OR51G2: variants seen among roughly 807,000 people sequenced by gnomAD.
OR51G2 encodes olfactory receptor 51G2.
Under a neutral mutation model 11.8 loss-of-function variants are expected in OR51G2, and 13 were observed. The ratio of observed to expected loss-of-function variants is 1.10; its 90% CI spans 0.72 to 1.76. The LOEUF (loss-of-function observed/expected upper bound fraction) is 1.76. OR51G2 is among the 40% of genes most tolerant of loss of function. The pLI is 0.00. For synonymous variants in OR51G2, 178 were observed against 151.9 expected (o/e 1.17, Z -1.26); for missense variants, 474 against 394.4 (o/e 1.20, Z -1.71).
chr11:4,913,375 C>T lies in OR51G2; in HGVS notation c.*1344G>A, dbSNP rs1851021845. On this transcript the variant is annotated 3_prime_UTR_variant, in exon 2 of 2. Transcript: ENST00000641926. Reference sequence around the variant, plus strand: ...TAGTAGAAGACATTGTGTTCAGCCACACCCTTTCTTAATCTGCACTAAAAC... The same window carrying T: ...TAGTAGAAGACATTGTGTTCAGCCATACCCTTTCTTAATCTGCACTAAAAC... 6.6e-6 allele frequency: 1 copy of T among 152,198 alleles called. No individual in the cohort carries two copies. Among genetic ancestry groups the T allele is most frequent in the Non-Finnish European group, 1.5e-5 (1 of 68,064 alleles). The allele number at this position is 152,198 out of a possible 1,614,324, so 9.4% of individuals were successfully genotyped here.
intron 1 of OR51G2, among the ~76,000 whole-genome samples, chr11:4,918,175 C>T (rs760362129): frequency 2.0e-5 from 3 of 151,992 alleles, no homozygotes; most frequent in African/African-American, 4.8e-5. Context: ...CCTAGAATCA[C>T]GCAGCCAGTC....
chr11:4,914,140 T>G lies in OR51G2; in HGVS notation c.*579A>C, dbSNP rs1851035843. On this transcript the variant is annotated 3_prime_UTR_variant, in exon 2 of 2. Transcript: ENST00000641926. ...GTTGGGGAATGGAACTATCTGAGGA[T>G]TCTCTACTCATTGGTGGTTAACACT... The G allele has an allele frequency of 6.6e-6, 1 of 152,218 alleles. No individual in the cohort carries two copies. Among genetic ancestry groups the G allele is most frequent in the Admixed American group, 6.5e-5 (1 of 15,274 alleles). The allele number at this position is 152,218 out of a possible 1,614,324, so 9.4% of individuals were successfully genotyped here.
rs762532727 is a variant in OR51G2, at chr11:4,915,321, G to A, written c.343C>T (p.Leu115Phe). Residue 115 changes from leucine (L) to phenylalanine (F), a missense_variant, in exon 2 of 2, where the codon CTC (leucine) becomes TTC (phenylalanine). Leu to Phe is a conservative substitution (Grantham distance 22, BLOSUM62 0). Coordinates refer to ENST00000641926, the MANE Select transcript of OR51G2 (RefSeq NM_001005238.2). ...ATAGACAGTAGCACAGAGGACTCGA[G>A]GAAGGAGAAGCAGTGAATGAAAAAG... ...QLFFIHCFSFLESSVLLSMAF... is the reference protein window; with the variant it reads ...QLFFIHCFSFFESSVLLSMAF... The A allele has an allele frequency of 1.3e-5, 21 of 1,613,966 alleles. No individual in the cohort carries two copies. Among genetic ancestry groups the A allele is most frequent in the Non-Finnish European group, 1.8e-5 (21 of 1,179,978 alleles).
intron 1 of OR51G2, among the ~76,000 whole-genome samples, 174 bp from the exon 2 acceptor site, chr11:4,915,913 T>A (rs1170566384): frequency 6.6e-6 from 1 of 152,166 alleles, no homozygotes; most frequent in Non-Finnish European, 1.5e-5. Context: ...TGAGCCAAAC[T>A]GGGTGAGTTG....
chr11:4,914,984 A>C lies in OR51G2; in HGVS notation c.680T>G (p.Leu227Arg). The C allele has an allele frequency of 6.2e-7, 1 of 1,614,176 alleles. No homozygotes were observed. The highest frequency in any genetic ancestry group is 2.2e-5 in the East Asian group (1 of 44,848). The change falls in exon 2 of 2, where the codon CTG becomes CGG. Residue 227 changes from leucine (L) to arginine (R), a missense_variant. Leu to Arg is a moderately radical substitution (Grantham distance 102). Coordinates refer to ENST00000641926, the MANE Select transcript of OR51G2 (RefSeq NM_001005238.2). ...GGAGGCGATGGACAGCACGGTGCGC[A>C]GGATCAGAGCATAAGAGAAGAGGAT... The part of the protein sequence containing the change: ...LLILFSYALI[L>R]RTVLSIASRA...
At chr11:4,918,743 T>C (rs1485491438) in intron 1 of OR51G2, among the ~76,000 whole-genome samples, 1 of 152,188 alleles carries the variant, frequency 6.6e-6, no homozygotes, top group East Asian at 1.9e-4. Flanking sequence ...TTAAGACTAC[T>C]TTCTGAAGGG....
Position 4,913,442 on chromosome 11 carries a change from C to G in OR51G2, c.*1277G>C, listed in dbSNP as rs963406714. The stretch of plus-strand genomic sequence containing the variant: ...ATTCTCATGCTTCTCTCTAGGTGTT[C>G]GAAGCTCCCCTTGGCAATATCACAT... On this transcript the variant is annotated 3_prime_UTR_variant, in exon 2 of 2. Coordinates refer to ENST00000641926, the MANE Select transcript of OR51G2 (RefSeq NM_001005238.2). The G allele has an allele frequency of 6.6e-6, 1 of 152,160 alleles. No homozygotes were observed. The highest frequency in any genetic ancestry group is 1.5e-5 in the Non-Finnish European group (1 of 68,036). 9.4% of individuals were successfully genotyped at this position (152,160 alleles called of 1,614,324 possible).
rs753981035 is a variant in OR51G2 at position 4,914,881 on chromosome 11, A to C, written c.783T>G (p.Ile261Met). The C allele has an allele frequency of 1.5e-5, 25 of 1,614,022 alleles. No individual in the cohort carries two copies. Among genetic ancestry groups the C allele is most frequent in the Non-Finnish European group, 2.0e-5 (24 of 1,180,020 alleles). ...CAVLLFYTPM[I>M]GLSVIHRFGK... is the part of the protein sequence containing the mutation. ...CAAAGCGATGGATGACAGAGAGGCCAATCATGGGAGTGTAGAAGAGCAGCA... is the reference window on the plus strand; with the variant it reads ...CAAAGCGATGGATGACAGAGAGGCCCATCATGGGAGTGTAGAAGAGCAGCA... The change falls in exon 2 of 2, where the codon ATT becomes ATG. Residue 261 changes from isoleucine (I) to methionine (M), a missense_variant. By Grantham distance (10) the Ile-to-Met change is conservative. Transcript: ENST00000641926.
At chr11:4,917,492 G>A (rs1412388659) in intron 1 of OR51G2, among the ~76,000 whole-genome samples, 1 of 152,152 alleles carries the variant, frequency 6.6e-6, no homozygotes, top group African/African-American at 2.4e-5. Flanking sequence ...TAAATAAACT[G>A]ATTGGAGAAA....
intron 1 of OR51G2, among the ~76,000 whole-genome samples, chr11:4,918,042 A>G (rs1421486359): frequency 6.6e-6 from 1 of 151,954 alleles, no homozygotes. Context: ...ACAATTTGCC[A>G]GGCTCTGTAT....
rs768541909 is a variant in OR51G2, at chr11:4,914,759, T to C, written c.905A>G (p.Lys302Arg). 5.0e-6 allele frequency: 8 copies of C among 1,613,604 alleles called. No homozygotes were observed. Among genetic ancestry groups the C allele is most frequent in the Non-Finnish European group, 5.9e-6 (7 of 1,179,784 alleles). The change falls in exon 2 of 2, where the codon AAA becomes AGA. Residue 302 changes from lysine (K) to arginine (R), a missense_variant. Lys to Arg is a conservative substitution (Grantham distance 26, BLOSUM62 2). Transcript: ENST00000641926. ...ATGCGTCACTCGATCCCGGATCTGT[T>C]TGGTCTTCACACTGTAGACAATGGG... The part of the protein sequence containing the change: ...MNPIVYSVKT[K>R]QIRDRVTHAF...
Position 4,914,887 on chromosome 11 carries a change from G to A in OR51G2, c.777C>T (p.Pro259=). The A allele has an allele frequency of 6.2e-7, 1 of 1,614,164 alleles. No homozygotes were observed. Among genetic ancestry groups the A allele is most frequent in the African/African-American group, 1.3e-5 (1 of 75,056 alleles). The change falls in exon 2 of 2, where the codon CCC becomes CCT. Residue 259 remains proline, a synonymous_variant. Transcript: ENST00000641926. The part of the protein sequence containing the change: ...HICAVLLFYT[P]MIGLSVIHRF... ...GATGGATGACAGAGAGGCCAATCAT[G>A]GGAGTGTAGAAGAGCAGCACAGCAC... is the stretch of plus-strand genomic sequence containing the variant.
Position 4,915,730 on chromosome 11 carries a change from G to T in OR51G2, c.-67C>A. ...CCTGAAGTAAATTGAGGCAGTACTG[G>T]TGATTGCACCTGGTGGAAATTAAAG... On this transcript the variant is annotated 5_prime_UTR_variant, in exon 2 of 2. Transcript: ENST00000641926. 2 of 1,047,150 alleles carry T rather than the reference G, an allele frequency of 1.9e-6. No individual in the cohort carries two copies. The highest frequency in any genetic ancestry group is 2.8e-6 in the Non-Finnish European group (2 of 706,878). 64.9% of individuals were successfully genotyped at this position (1,047,150 alleles called of 1,614,324 possible). A position where few individuals can be genotyped will look rare whatever the true frequency, so the allele number is the denominator to read the frequency against.
chr11:4,914,785 A>G lies in OR51G2; in HGVS notation c.879T>C (p.Asn293=), dbSNP rs752018855. 2 of 1,613,988 alleles carry G rather than the reference A, an allele frequency of 1.2e-6. No individual in the cohort carries two copies. Among genetic ancestry groups the G allele is most frequent in the South Asian group, 1.1e-5 (1 of 91,066 alleles). The change falls in exon 2 of 2, where the codon AAT becomes AAC. Residue 293 remains asparagine, a synonymous_variant. Coordinates refer to ENST00000641926, the MANE Select transcript of OR51G2 (RefSeq NM_001005238.2). ...FMYLLFPPVM[N]PIVYSVKTKQ... is the part of the protein sequence containing the mutation. Reference sequence around the variant, plus strand: ...TGGTCTTCACACTGTAGACAATGGGATTCATCACAGGAGGAAAGAGAAGAT... The same window carrying G: ...TGGTCTTCACACTGTAGACAATGGGGTTCATCACAGGAGGAAAGAGAAGAT...
In OR51G2 at chr11:4,915,102, C is replaced by G. The variant is rs1473555714; in HGVS notation, c.562G>C (p.Glu188Gln). 6.2e-7 allele frequency: 1 copy of G among 1,614,106 alleles called. No individual in the cohort carries two copies. The highest frequency in any genetic ancestry group is 8.5e-7 in the Non-Finnish European group (1 of 1,180,020). Residue 188 changes from glutamate (E) to glutamine (Q), a missense_variant, in exon 2 of 2, where the codon GAA becomes CAA. By Grantham distance (29) the Glu-to-Gln change is conservative. Coordinates refer to ENST00000641926, the MANE Select transcript of OR51G2 (RefSeq NM_001005238.2). ...VLSHSYCLHQ[E>Q]VMKLACADMK... Reference sequence around the variant, plus strand: ...TCGGCACAGGCCAATTTCATCACTTCTTGGTGGAGACAATAAGAATGTGAG... The same window carrying G: ...TCGGCACAGGCCAATTTCATCACTTGTTGGTGGAGACAATAAGAATGTGAG...
chr11:4,913,476 G>T lies in OR51G2; in HGVS notation c.*1243C>A, dbSNP rs1249126522. On this transcript the variant is annotated 3_prime_UTR_variant, in exon 2 of 2. Coordinates refer to ENST00000641926, the MANE Select transcript of OR51G2 (RefSeq NM_001005238.2). Reference sequence around the variant, plus strand: ...CCTTGGCAATATCACATTCAAGCTTGCTTTCCTCACAGTTACCTCCAAGCC... The same window carrying T: ...CCTTGGCAATATCACATTCAAGCTTTCTTTCCTCACAGTTACCTCCAAGCC... 6.6e-6 allele frequency: 1 copy of T among 152,102 alleles called. No homozygotes were observed. Among genetic ancestry groups the T allele is most frequent in the East Asian group, 1.9e-4 (1 of 5,192 alleles). 9.4% of individuals were successfully genotyped at this position (152,102 alleles called of 1,614,324 possible).
At position 4,914,976 on chromosome 11, in the gene OR51G2, C is replaced by T. The variant is rs185474285; in HGVS notation, c.688G>A (p.Val230Met). 125 of 1,614,026 alleles carry T rather than the reference C, an allele frequency of 7.7e-5. 1 individual carries two copies. The highest frequency in any genetic ancestry group is 3.7e-4 in the African/African-American group (28 of 75,004). ...TCAGCCCTGGAGGCGATGGACAGCA[C>T]GGTGCGCAGGATCAGAGCATAAGAG... is the stretch of plus-strand genomic sequence containing the variant. ...LFSYALILRT[V>M]LSIASRAERF... Residue 230 changes from valine (V) to methionine (M), a missense_variant, in exon 2 of 2, where the codon GTG becomes ATG. By Grantham distance (21) the Val-to-Met change is conservative. Transcript: ENST00000641926.
At chr11:4,917,787 T>C (rs1006421431) in intron 1 of OR51G2, among the ~76,000 whole-genome samples, 6 of 152,098 alleles carry the variant, frequency 3.9e-5, no homozygotes, top group African/African-American at 1.4e-4. Flanking sequence ...TGTAATAGTC[T>C]CTAATTGTTC....
rs113651232 is a variant in OR51G2 at position 4,914,487 on chromosome 11, G to C, written c.*232C>G. On this transcript the variant is annotated 3_prime_UTR_variant, in exon 2 of 2. Transcript: ENST00000641926. ...GTTCCTGGAAGAGCATGTGGGTTTA[G>C]AATTATTGCTGTGGCTATTTTTAGA... is the stretch of plus-strand genomic sequence containing the variant. The C allele has an allele frequency of 1.0e-3, 489 of 490,352 alleles. No individual in the cohort carries two copies. The highest frequency in any genetic ancestry group is 8.6e-3 in the African/African-American group (451 of 52,214). 30.4% of individuals were successfully genotyped at this position (490,352 alleles called of 1,614,324 possible). A position where few individuals can be genotyped will look rare whatever the true frequency, so the allele number is the denominator to read the frequency against.
Sources: gnomAD v4.1 joint callset for allele counts (sites outside exome capture counted in the v4.1 genomes callset) on GRCh38, gnomAD v4.1.1 for gene constraint, MANE v1.5 for transcripts, NCBI Gene and HGNC (gene_info 2026-07-23, HGNC 2026-07-21) for gene names.